The following GAK variants were observed in gnomAD, a reference collection of about 807,000 sequenced individuals.
The protein encoded by GAK is cyclin G associated kinase.
GAK carries 79 observed loss-of-function variants against 143.9 expected under a neutral mutation model. That is an observed-to-expected ratio of 0.55 (90% CI 0.46 to 0.66). The LOEUF (loss-of-function observed/expected upper bound fraction) is 0.66, where lower values mean the gene tolerates loss of function less well. GAK is among the 30% of genes least tolerant of loss of function. GAK has a pLI of 0.00. For synonymous variants in GAK, 881 were observed against 765.5 expected (o/e 1.15, Z -2.49); for missense variants, 1,693 against 1,779.7 (o/e 0.95, Z 0.88).
chr4:857,963 C>T (rs542655215), intron 24 of GAK, among the ~76,000 whole-genome samples: 23 of 152,304 alleles, frequency 1.5e-4, no homozygotes, highest in Admixed American at 1.3e-3. Flanking sequence ...CACTCAGCTC[C>T]ACGCATCGTC....
Position 859,622 on chromosome 4 carries a change from G to C in GAK, c.3267C>G (p.Leu1089=), listed in dbSNP as rs374905719. Residue 1089 remains leucine (L), a synonymous_variant, in exon 24 of 28, where the codon CTC becomes CTG. Coordinates refer to ENST00000314167, the MANE Select transcript of GAK (RefSeq NM_005255.4). ...CCACGTTACCTTGGAGGCCGGAGCT[G>C]AGGTCGCCAAGGTCAGCAAATGGGT... is the stretch of plus-strand genomic sequence containing the variant. ...NPDPFADLGD[L]SSGLQGSPAG... The C allele has an allele frequency of 1.9e-4, 308 of 1,598,996 alleles. 2 individuals are homozygous for C. The Middle Eastern group carries it at 2.0e-3, about 10-fold the overall frequency.
chr4:874,153 G>GC (rs1560326795), intron 18 of GAK, among the ~76,000 whole-genome samples: 1 of 151,990 alleles, frequency 6.6e-6, no homozygotes, highest in East Asian at 1.9e-4. Flanking sequence ...GTGCTTGTGT[G>GC]TGTGTACATG....
chr4:902,533 C>T (rs1333940531), intron 5 of GAK, among the ~76,000 whole-genome samples: 12 of 140,904 alleles, frequency 8.5e-5, no homozygotes, highest in East Asian at 2.2e-4. Context: ...CCAAGTCGGC[C>T]GAGGCGGCAG....
chr4:868,237 G>T (rs1233187245), intron 20 of GAK, among the ~76,000 whole-genome samples: 1 of 152,204 alleles, frequency 6.6e-6, no homozygotes, highest in East Asian at 1.9e-4. Flanking sequence ...GTACCCAGGG[G>T]CCCCGCCAGC....
chr4:921,111 T>G (rs1723857817), intron 1 of GAK, among the ~76,000 whole-genome samples: 2 of 128,696 alleles, frequency 1.6e-5, no homozygotes. Context: ...CTTCTTTTTC[T>G]TTTTTTTTTG....
chr4:902,251 A>C (rs1053517348), intron 5 of GAK, among the ~76,000 whole-genome samples: 2 of 150,940 alleles, frequency 1.3e-5, no homozygotes, highest in Non-Finnish European at 3.0e-5. Flanking sequence ...AAAAAAAAAA[A>C]CAGAAATGTC....
intron 1 of GAK, among the ~76,000 whole-genome samples, chr4:922,049 T>C (rs1723997144): frequency 6.6e-6 from 1 of 152,122 alleles, no homozygotes; most frequent in Non-Finnish European, 1.5e-5. Context: ...TGTTAGGGAC[T>C]CAACTGTGTG....
intron 1 of GAK, among the ~76,000 whole-genome samples, chr4:922,315 G>T (rs1321978330): frequency 1.3e-5 from 2 of 152,014 alleles, no homozygotes; most frequent in Non-Finnish European, 2.9e-5. Context: ...GTGAGTTTGA[G>T]ACCAACCTGG....
chr4:859,943 C>G (rs1749977860), intron 23 of GAK, among the ~76,000 whole-genome samples: 1 of 152,148 alleles, frequency 6.6e-6, no homozygotes, highest in Non-Finnish European at 1.5e-5. Flanking sequence ...AGCTTCACAG[C>G]TCACACCCAG....
chr4:906,545 G>A (rs1387284586), intron 4 of GAK, among the ~76,000 whole-genome samples: 1 of 152,108 alleles, frequency 6.6e-6, no homozygotes, highest in Non-Finnish European at 1.5e-5. Flanking sequence ...CCCCACAGAC[G>A]TGCAGACCCA....
chr4:865,182 C>G lies in GAK; in HGVS notation c.3106G>C (p.Gly1036Arg). 1.2e-6 allele frequency: 2 copies of G among 1,613,110 alleles called. No individual in the cohort carries two copies. The highest frequency in any genetic ancestry group is 1.7e-6 in the Non-Finnish European group (2 of 1,179,798). ...GCAGTCTCGGTCCAGGCAGCCCATC[C>G]TCCCAGCAGGTCTGGGTTGCTGGAC... ...ASSSNPDLLG[G>R]WAAWTETAAS... Residue 1036 changes from glycine to arginine, a missense_variant, in exon 23 of 28, where the codon GGA becomes CGA. By Grantham distance (125) the Gly-to-Arg change is moderately radical. Around this residue, in one of 2 missense-constraint regions of GAK, gnomAD observed 822 missense variants for 788.7 expected, o/e 1.04. Coordinates refer to ENST00000314167, the MANE Select transcript of GAK (RefSeq NM_005255.4).
At chr4:865,535 T>G (rs925996382) in intron 22 of GAK, among the ~76,000 whole-genome samples, 1 of 152,166 alleles carries the variant, frequency 6.6e-6, no homozygotes, top group African/African-American at 2.4e-5. Flanking sequence ...GACCCCACTT[T>G]CTGCCGCCAT....
chr4:875,820 T>C (rs1454733490), intron 18 of GAK, among the ~76,000 whole-genome samples: 1 of 152,236 alleles, frequency 6.6e-6, no homozygotes, highest in East Asian at 1.9e-4. Flanking sequence ...TGCAGATCTG[T>C]AATCCCAGCT....
At chr4:884,197 G>C (rs1715773097) in intron 11 of GAK, 111 bp from the exon 12 acceptor site, 3 of 882,118 alleles carry the variant, frequency 3.4e-6, no homozygotes, top group Non-Finnish European at 5.5e-6. Flanking sequence ...TCTCACTGTA[G>C]AGGCCGCATC....
intron 1 of GAK, among the ~76,000 whole-genome samples, chr4:923,737 C>A (rs1238706907): frequency 6.6e-6 from 1 of 152,108 alleles, no homozygotes; most frequent in Non-Finnish European, 1.5e-5. Context: ...CAAGCCAGGT[C>A]AAATCTCAAG....
chr4:893,436 G>T lies in GAK; in HGVS notation c.931C>A (p.His311Asn). The change falls in exon 9 of 28, where the codon CAC becomes AAC. Residue 311 changes from histidine (H) to asparagine (N), a missense_variant. His to Asn is a moderately conservative substitution (Grantham distance 68, BLOSUM62 1). This residue lies in a region of GAK where 871 missense variants were observed against 991.0 expected (regional missense o/e 0.88). Transcript: ENST00000314167. ...EERLSIAEVV[H>N]QLQEIAAARN... ...GCGGCCGCGATCTCCTGCAGCTGGT[G>T]CACCACCTCGGCGATGGACAGCCGC... is the stretch of plus-strand genomic sequence containing the variant. 2 of 1,593,658 alleles carry T rather than the reference G, an allele frequency of 1.3e-6. No homozygotes were observed.
Position 859,448 on chromosome 4 carries a change from CA to C in GAK, c.3283+157del. 1.9e-6 allele frequency: 3 copies of C among 1,589,992 alleles called. No homozygotes were observed. The South Asian group carries it at 3.3e-5, about 18-fold the overall frequency. On this transcript the variant is annotated intron_variant, in intron 24 of 27. Transcript: ENST00000314167. ...AGTTGGCAGTCGCCTGGAACAGGTG[CA>C]GACACGCTGTCCCCTTGGGCTCACT...
At chr4:890,807 C>T (rs1178685462) in intron 9 of GAK, among the ~76,000 whole-genome samples, 185 bp from the exon 10 acceptor site, 1 of 152,232 alleles carries the variant, frequency 6.6e-6, no homozygotes, top group Admixed American at 6.5e-5. Context: ...ACGCACGCAG[C>T]CCTCATCCCC....
intron 19 of GAK, chr4:869,861 G>A (rs1258404234): frequency 6.7e-6 from 1 of 148,382 alleles, no homozygotes; most frequent in African/African-American, 2.5e-5. Flanking sequence ...CATAGATGCA[G>A]GGTACACATG....
Sources: allele counts gnomAD v4.1 joint callset (sites outside exome capture counted in the v4.1 genomes callset), GRCh38; gene constraint gnomAD v4.1.1; regional missense constraint gnomAD v4.1.1; transcripts MANE v1.5; gene names NCBI Gene and HGNC (gene_info 2026-07-23, HGNC 2026-07-21).